Variants in PEAK1 observed in about 807,000 individuals in gnomAD.
The protein encoded by PEAK1 is pseudopodium enriched atypical kinase 1.
PEAK1 carries 54 observed loss-of-function variants against 124.7 expected under a neutral mutation model. That is an observed-to-expected ratio of 0.43 (90% CI 0.35 to 0.54). The LOEUF (loss-of-function observed/expected upper bound fraction) is 0.54, where lower values mean the gene tolerates loss of function less well. Among genes scored for constraint, PEAK1 ranks in the 20% least tolerant of loss-of-function variants. PEAK1 has a pLI of 0.01. For missense variants in PEAK1, 2,046 were observed against 2,134.5 expected (o/e 0.96, Z 0.82); for synonymous variants, 719 against 760.0 (o/e 0.95, Z 0.89).
intron 6 of PEAK1, among the ~76,000 whole-genome samples, chr15:77,243,652 A>G (rs1219792897): frequency 6.6e-6 from 1 of 152,220 alleles, no homozygotes; most frequent in Non-Finnish European, 1.5e-5. Context: ...AATCCTTCAA[A>G]GAGGGATGAG....
At chr15:77,345,678 C>T (rs2141379670) in intron 2 of PEAK1, 1 of 156,534 alleles carries the variant, frequency 6.4e-6, no homozygotes, top group South Asian at 2.0e-4. Flanking sequence ...ATTAATAGCA[C>T]AGTAGGGAAC....
At chr15:77,321,567 G>C (rs2065221492) in intron 2 of PEAK1, among the ~76,000 whole-genome samples, 1 of 152,186 alleles carries the variant, frequency 6.6e-6, no homozygotes, top group Admixed American at 6.5e-5. Context: ...CCCTTTGTCA[G>C]ATGAGTAGAT....
intron 8 of PEAK1, chr15:77,156,365 G>A (rs2055148736): frequency 6.5e-6 from 1 of 152,710 alleles, no homozygotes; most frequent in African/African-American, 2.4e-5. Context: ...ACAGTATTAG[G>A]GTGGGAGTGA....
At chr15:77,241,109 GT>G (rs1225493003) in intron 6 of PEAK1, among the ~76,000 whole-genome samples, 1 of 152,114 alleles carries the variant, frequency 6.6e-6, no homozygotes, top group Non-Finnish European at 1.5e-5. Flanking sequence ...AAATGTTCCT[GT>G]TGTATGTAAA....
rs1232205923 is a variant in PEAK1, at chr15:77,112,293, CT to C, written c.*1862del. On this transcript the variant is annotated 3_prime_UTR_variant, in exon 10 of 10. Transcript: ENST00000682557. Reference sequence around the variant, plus strand: ...AATACATTATTTTCCTTTCCTGATCCTCTTTGTTATACATGAATCACATGAA... The same window carrying C: ...AATACATTATTTTCCTTTCCTGATCCCTTTGTTATACATGAATCACATGAA... 6.6e-6 allele frequency: 1 copy of C among 152,202 alleles called. No homozygotes were observed. Among genetic ancestry groups the C allele is most frequent in the African/African-American group, 2.4e-5 (1 of 41,444 alleles). 9.4% of individuals were successfully genotyped at this position (152,202 alleles called of 1,614,324 possible).
rs1248619722 is a variant in PEAK1, at chr15:77,236,103, G to A, written c.-115+16264C>T. Among the ~76,000 whole-genome samples the A allele has an allele frequency of 4.6e-5, 7 of 152,364 alleles. No individual in the cohort carries two copies. In the East Asian group the frequency reaches 1.2e-3, roughly 25 times the overall value. Reference sequence around the variant, plus strand: ...AGGGCAGTGTGGAAAGGAAACGTGGGGTTGGAGTCTCCACACAGAGTCCCC... The same window carrying A: ...AGGGCAGTGTGGAAAGGAAACGTGGAGTTGGAGTCTCCACACAGAGTCCCC... On this transcript the variant is annotated intron_variant, in intron 6 of 9. Transcript: ENST00000682557.
chr15:77,419,154 TA>T lies in PEAK1; in HGVS notation c.-666+851del, dbSNP rs2073138582. 3 of 985,222 alleles carry T rather than the reference TA, an allele frequency of 3.0e-6. No individual in the cohort carries two copies. The South Asian group carries it at 1.4e-4, about 46-fold the overall frequency. 61.0% of individuals were successfully genotyped at this position (985,222 alleles called of 1,614,324 possible). On this transcript the variant is annotated intron_variant, in intron 1 of 9. Transcript: ENST00000682557. ...TCTCAAATTCCTGAACTTGGATCTTTAAAAAACAACGAATCGCAAAAAGTAA... is the reference window on the plus strand; with the variant it reads ...TCTCAAATTCCTGAACTTGGATCTTTAAAAACAACGAATCGCAAAAAGTAA...
chr15:77,221,491 C>A (rs147628699), intron 6 of PEAK1, among the ~76,000 whole-genome samples: 1 of 152,044 alleles, frequency 6.6e-6, no homozygotes, highest in Admixed American at 6.6e-5. Context: ...TGAAGTGAGA[C>A]AAATGATAGT....
At chr15:77,293,137 C>T (rs1373103344) in intron 2 of PEAK1, among the ~76,000 whole-genome samples, 1 of 152,192 alleles carries the variant, frequency 6.6e-6, no homozygotes, top group African/African-American at 2.4e-5. Context: ...TGAATTATCT[C>T]TTAAACTTAT....
chr15:77,241,702 A>C (rs949877568), intron 6 of PEAK1, among the ~76,000 whole-genome samples: 6 of 152,036 alleles, frequency 3.9e-5, no homozygotes, highest in African/African-American at 1.4e-4. Flanking sequence ...CAAAATTAAA[A>C]AAAAATAACT....
chr15:77,139,195 C>T (rs1286974024), intron 8 of PEAK1, among the ~76,000 whole-genome samples: 1 of 152,172 alleles, frequency 6.6e-6, no homozygotes, highest in African/African-American at 2.4e-5. Context: ...TCCACCTCCA[C>T]ATCCTGTCCC....
At chr15:77,261,065 A>T (rs1437367489) in intron 5 of PEAK1, among the ~76,000 whole-genome samples, 1 of 152,222 alleles carries the variant, frequency 6.6e-6, no homozygotes, top group Non-Finnish European at 1.5e-5. Context: ...GAGGGTCCTG[A>T]CTGTTAGAAG....
At chr15:77,144,930 C>T (rs1207949954) in intron 8 of PEAK1, among the ~76,000 whole-genome samples, 1 of 152,224 alleles carries the variant, frequency 6.6e-6, no homozygotes, top group Non-Finnish European at 1.5e-5. Context: ...TGGGACCAGA[C>T]ACCAAGCTCA....
intron 2 of PEAK1, among the ~76,000 whole-genome samples, chr15:77,364,794 C>G (rs2068112805): frequency 6.6e-6 from 1 of 152,040 alleles, no homozygotes; most frequent in Non-Finnish European, 1.5e-5. Context: ...TAATAATGGC[C>G]CATTAAAATA....
At chr15:77,208,442 C>T (rs921853932) in intron 6 of PEAK1, among the ~76,000 whole-genome samples, 2 of 152,100 alleles carry the variant, frequency 1.3e-5, no homozygotes, top group Non-Finnish European at 2.9e-5. Context: ...ACTCCCTTGT[C>T]TAGAGTCACT....
intron 8 of PEAK1, among the ~76,000 whole-genome samples, chr15:77,148,303 A>G (rs1449546306): frequency 6.6e-6 from 1 of 152,138 alleles, no homozygotes. Context: ...TTTTTTTTAA[A>G]TGGAGTTTTT....
intron 1 of PEAK1, chr15:77,402,067 C>A: frequency 1.3e-6 from 1 of 757,674 alleles, no homozygotes; most frequent in Non-Finnish European, 1.6e-6. Context: ...GGCGTAGAGG[C>A]ATGCACCTAT....
chr15:77,245,733 C>T (rs1046468523), intron 6 of PEAK1, among the ~76,000 whole-genome samples: 1 of 151,980 alleles, frequency 6.6e-6, no homozygotes, highest in Non-Finnish European at 1.5e-5. Context: ...AAAAACTCAT[C>T]TTTTTTCATA....
chr15:77,121,454 G>A (rs1012495300), intron 9 of PEAK1, among the ~76,000 whole-genome samples: 2 of 152,116 alleles, frequency 1.3e-5, no homozygotes, highest in African/African-American at 2.4e-5. Flanking sequence ...GATGGGGTGG[G>A]GGCAACGGCA....
Sources: gnomAD v4.1 joint callset for allele counts (sites outside exome capture counted in the v4.1 genomes callset) on GRCh38, gnomAD v4.1.1 for gene constraint, MANE v1.5 for transcripts, NCBI Gene and HGNC (gene_info 2026-07-23, HGNC 2026-07-21) for gene names.